Variants in CNDP1 observed in about 807,000 individuals in gnomAD.
CNDP1 encodes the protein beta-Ala-His dipeptidase.
Under a neutral mutation model 58.1 loss-of-function variants are expected in CNDP1, and 44 were observed. That is an observed-to-expected ratio of 0.76 (90% confidence interval 0.60 to 0.97). The LOEUF (loss-of-function observed/expected upper bound fraction) is 0.97, where lower values mean the gene tolerates loss of function less well. CNDP1 is among the 50% of genes least tolerant of loss of function. The pLI, the probability that CNDP1 is intolerant of heterozygous loss-of-function variation, is 0.00. For synonymous variants in CNDP1, 254 were observed against 252.6 expected, an observed-to-expected ratio of 1.01 and a Z score of -0.05; for missense variants, 616 against 655.1, an observed-to-expected ratio of 0.94 and a Z score of 0.65.
At chr18:74,559,166 T>C (rs1226255187) in intron 2 of CNDP1, among the ~76,000 whole-genome samples, 157 bp from the exon 3 acceptor site, 1 of 152,146 alleles carries the variant, frequency 6.6e-6, no homozygotes, top group Non-Finnish European at 1.5e-5. Context: ...CTGTTACTCT[T>C]AAATGTCACA....
At chr18:74,564,228 A>G (rs946433384) in intron 5 of CNDP1, among the ~76,000 whole-genome samples, 10 of 152,116 alleles carry the variant, frequency 6.6e-5, no homozygotes, top group Non-Finnish European at 1.2e-4. Flanking sequence ...GCTTGTAATC[A>G]CTTTTAGAGT....
At chr18:74,552,688 A>G (rs1253462254) in intron 1 of CNDP1, among the ~76,000 whole-genome samples, 1 of 152,242 alleles carries the variant, frequency 6.6e-6, no homozygotes, top group Non-Finnish European at 1.5e-5. Flanking sequence ...TTCATTAATG[A>G]ACATTTGTCT....
chr18:74,581,185 C>G (rs192754492), intron 10 of CNDP1, among the ~76,000 whole-genome samples: 12 of 150,752 alleles, frequency 8.0e-5, no homozygotes, highest in African/African-American at 2.9e-4. Context: ...CCATTATATA[C>G]AGGCAGGGCA....
intron 1 of CNDP1, among the ~76,000 whole-genome samples, chr18:74,549,123 C>G (rs2144645699): frequency 6.6e-6 from 1 of 152,296 alleles, no homozygotes; most frequent in South Asian, 2.1e-4. Context: ...CATGAACTAT[C>G]TTGCTTTTAT....
At chr18:74,584,403 A>T in intron 11 of CNDP1, 93 bp from the exon 12 acceptor site, 1 of 873,156 alleles carries the variant, frequency 1.1e-6, no homozygotes, top group Non-Finnish European at 1.9e-6. Flanking sequence ...AATTTATAAC[A>T]TCAAATCTTC....
intron 1 of CNDP1, among the ~76,000 whole-genome samples, chr18:74,538,515 G>A (rs1980538329): frequency 6.6e-6 from 1 of 152,172 alleles, no homozygotes; most frequent in African/African-American, 2.4e-5. Flanking sequence ...CCCAGTTTTT[G>A]TGTGGACATG....
At chr18:74,557,169 C>T (rs554952471) in intron 2 of CNDP1, among the ~76,000 whole-genome samples, 3 of 152,134 alleles carry the variant, frequency 2.0e-5, no homozygotes, top group South Asian at 4.2e-4. Context: ...CTTCCTGCCT[C>T]GGCCTCCCAA....
intron 5 of CNDP1, among the ~76,000 whole-genome samples, chr18:74,562,518 T>G (rs1008497041): frequency 6.6e-6 from 1 of 152,230 alleles, no homozygotes; most frequent in African/African-American, 2.4e-5. Context: ...GCCTTCTTTT[T>G]CTTCTTATCA....
chr18:74,544,373 A>G (rs1599086019), intron 1 of CNDP1, among the ~76,000 whole-genome samples: 1 of 152,212 alleles, frequency 6.6e-6, no homozygotes, highest in East Asian at 1.9e-4. Context: ...AGCTTATGTC[A>G]TGAGAGCCAG....
chr18:74,583,494 C>T (rs1421713983), intron 10 of CNDP1, 67 bp from the exon 11 acceptor site: 2 of 1,354,506 alleles, frequency 1.5e-6, no homozygotes, highest in East Asian at 4.6e-5. Context: ...GAGGCACTGA[C>T]CTTGAGGAGC....
At chr18:74,575,629 T>C (rs1400602645) in intron 7 of CNDP1, among the ~76,000 whole-genome samples, 2 of 152,310 alleles carry the variant, frequency 1.3e-5, no homozygotes, top group Middle Eastern at 3.4e-3. Flanking sequence ...CACACTAGTG[T>C]ATACAGGGGA....
chr18:74,553,918 C>T (rs1186801351), intron 1 of CNDP1, among the ~76,000 whole-genome samples: 5 of 152,238 alleles, frequency 3.3e-5, no homozygotes, highest in African/African-American at 1.2e-4. Flanking sequence ...CATCTTACTG[C>T]TTTCCTGACA....
chr18:74,582,614 A>C (rs1599104779), intron 10 of CNDP1, among the ~76,000 whole-genome samples: 2 of 152,346 alleles, frequency 1.3e-5, no homozygotes, highest in East Asian at 3.9e-4. Flanking sequence ...AGATAACATC[A>C]GACAAACCCA....
intron 9 of CNDP1, 80 bp from the exon 10 acceptor site, chr18:74,580,050 T>A: frequency 7.7e-7 from 1 of 1,293,634 alleles, no homozygotes; most frequent in Non-Finnish European, 1.1e-6. Flanking sequence ...TACTAATCAG[T>A]TTCTTGATGG....
At chr18:74,579,188 T>TTCCCTTG (rs1568300947) in intron 9 of CNDP1, among the ~76,000 whole-genome samples, 59 of 118,514 alleles carry the variant, frequency 5.0e-4, no homozygotes, top group Non-Finnish European at 8.2e-4. Flanking sequence ...CTTCTCCCTT[T>TTCCCTTG]CCTTCCCTTC....
At chr18:74,544,097 T>C (rs1599085877) in intron 1 of CNDP1, among the ~76,000 whole-genome samples, 1 of 151,606 alleles carries the variant, frequency 6.6e-6, no homozygotes, top group Admixed American at 6.6e-5. Context: ...ACAAAAAGCT[T>C]AAAAAATAAG....
At chr18:74,554,351 A>G (rs1391604749) in intron 1 of CNDP1, among the ~76,000 whole-genome samples, 1 of 152,136 alleles carries the variant, frequency 6.6e-6, no homozygotes, top group Admixed American at 6.5e-5. Context: ...CCTTTTGGGC[A>G]TGGGATGGAT....
rs1052432192 is a variant in CNDP1 at position 74,556,533 on chromosome 18, GAC to G, written c.153+69_153+70del. On this transcript the variant is annotated intron_variant, in intron 2 of 11. Coordinates refer to ENST00000358821, the MANE Select transcript of CNDP1 (RefSeq NM_032649.6). ...ATTATATCCTTTGGTATTTGGGTGA[GAC>G]AATTATTTGCTTGGAGATGTGGATT... 3.2e-6 allele frequency: 5 copies of G among 1,585,644 alleles called. No individual in the cohort carries two copies. In the African/African-American group the frequency reaches 6.7e-5, roughly 21 times the overall value.
At chr18:74,575,111 A>G (rs571399636) in intron 7 of CNDP1, among the ~76,000 whole-genome samples, 19 of 152,026 alleles carry the variant, frequency 1.2e-4, no homozygotes, top group Admixed American at 1.2e-3. Flanking sequence ...AAAGAAGGAA[A>G]GAAAGGAAGG....
Sources: allele counts gnomAD v4.1 joint callset (sites outside exome capture counted in the v4.1 genomes callset), GRCh38; gene constraint gnomAD v4.1.1; transcripts MANE v1.5; gene names NCBI Gene and HGNC (gene_info 2026-07-23, HGNC 2026-07-21).